MSI2: variants seen among roughly 807,000 people sequenced by gnomAD.
MSI2 encodes the protein RNA-binding protein Musashi homolog 2.
In MSI2, 17 loss-of-function variants were observed where a neutral mutation model predicts 45.6. The observed-to-expected ratio is 0.37, with a 90% CI of 0.26 to 0.56. MSI2 has a LOEUF of 0.56. Among genes scored for constraint, MSI2 ranks in the 20% least tolerant of loss-of-function variants. The probability of loss-of-function intolerance (pLI) is 0.77; values close to 1 mark genes in which losing one functional copy is unlikely to be tolerated. For synonymous variants in MSI2, 156 were observed against 158.2 expected (o/e 0.99, Z 0.11); for missense variants, 293 against 444.2 (o/e 0.66, Z 3.06).
At chr17:57,265,612 T>C (rs182887327) in intron 5 of MSI2, 1 of 152,356 alleles carries the variant, frequency 6.6e-6, no homozygotes, top group Admixed American at 6.5e-5. Flanking sequence ...GCGATGTAAA[T>C]GTTCACATCT....
chr17:57,450,279 G>GA (rs368066390), intron 6 of MSI2: 37 of 118,780 alleles, frequency 3.1e-4, no homozygotes, highest in African/African-American at 8.7e-4. Flanking sequence ...AAGAAAGAAA[G>GA]AAAGAAAGAA....
chr17:57,454,003 G>T (rs2085065617), intron 6 of MSI2, among the ~76,000 whole-genome samples: 1 of 152,236 alleles, frequency 6.6e-6, no homozygotes, highest in Non-Finnish European at 1.5e-5. Flanking sequence ...GCATGACCCT[G>T]TGTGCTATTA....
intron 5 of MSI2, among the ~76,000 whole-genome samples, chr17:57,392,201 T>C (rs1027652491): frequency 3.3e-5 from 5 of 152,188 alleles, no homozygotes; most frequent in East Asian, 3.8e-4. Flanking sequence ...CAGCCCCCAA[T>C]AGGAGTCAGT....
At chr17:57,414,701 G>T (rs1220442428) in intron 6 of MSI2, among the ~76,000 whole-genome samples, 2 of 152,134 alleles carry the variant, frequency 1.3e-5, no homozygotes, top group African/African-American at 4.8e-5. Context: ...TGCCCAGCCA[G>T]GATTTTTCTT....
At chr17:57,443,324 G>A (rs1190246068) in intron 6 of MSI2, among the ~76,000 whole-genome samples, 3 of 152,160 alleles carry the variant, frequency 2.0e-5, no homozygotes, top group Non-Finnish European at 2.9e-5. Context: ...CGTCTCCTCC[G>A]TTTGTGCCGC....
At chr17:57,288,755 G>C (rs1910136205) in intron 5 of MSI2, among the ~76,000 whole-genome samples, 1 of 152,158 alleles carries the variant, frequency 6.6e-6, no homozygotes, top group South Asian at 2.1e-4. Flanking sequence ...ATTACCTTCT[G>C]TGCTCTAGGC....
intron 7 of MSI2, among the ~76,000 whole-genome samples, chr17:57,574,422 A>G (rs568353360): frequency 1.3e-5 from 2 of 152,300 alleles, no homozygotes; most frequent in Admixed American, 6.5e-5. Context: ...TTGGATGGGG[A>G]TGTCTTCCTT....
intron 6 of MSI2, among the ~76,000 whole-genome samples, chr17:57,501,628 G>A (rs2086109045): frequency 6.6e-6 from 1 of 152,176 alleles, no homozygotes; most frequent in Admixed American, 6.5e-5. Flanking sequence ...CGTGCTCAGG[G>A]AAGTTTTTTG....
chr17:57,363,703 C>T (rs1916986530), intron 5 of MSI2, among the ~76,000 whole-genome samples: 1 of 152,194 alleles, frequency 6.6e-6, no homozygotes, highest in South Asian at 2.1e-4. Flanking sequence ...GGCACCACTG[C>T]ACTCCAGCCT....
At chr17:57,578,791 G>A (rs1262254603) in intron 7 of MSI2, among the ~76,000 whole-genome samples, 1 of 152,138 alleles carries the variant, frequency 6.6e-6, no homozygotes, top group Non-Finnish European at 1.5e-5. Context: ...GCGTGGAACA[G>A]TAACAAATCA....
At chr17:57,469,983 A>C (rs1451894544) in intron 6 of MSI2, among the ~76,000 whole-genome samples, 1 of 152,108 alleles carries the variant, frequency 6.6e-6, no homozygotes, top group Non-Finnish European at 1.5e-5. Flanking sequence ...CTTTTCCCAG[A>C]ATATTCTTCC....
At chr17:57,420,829 GT>G (rs1256623078) in intron 6 of MSI2, among the ~76,000 whole-genome samples, 1 of 152,210 alleles carries the variant, frequency 6.6e-6, no homozygotes, top group Non-Finnish European at 1.5e-5. Context: ...TCTGAAGATA[GT>G]TGCCAACATC....
chr17:57,581,512 A>G (rs1394602074), intron 7 of MSI2, among the ~76,000 whole-genome samples: 2 of 152,002 alleles, frequency 1.3e-5, no homozygotes, highest in African/African-American at 4.8e-5. Flanking sequence ...CCCCACCCAA[A>G]CCCTTCCATG....
chr17:57,465,370 C>T (rs547848241), intron 6 of MSI2, among the ~76,000 whole-genome samples: 1 of 151,954 alleles, frequency 6.6e-6, no homozygotes, highest in African/African-American at 2.4e-5. Flanking sequence ...ATTGCAGACA[C>T]CTCTCTCAAA....
At chr17:57,363,302 A>G (rs895374700) in intron 5 of MSI2, among the ~76,000 whole-genome samples, 1 of 152,244 alleles carries the variant, frequency 6.6e-6, no homozygotes, top group African/African-American at 2.4e-5. Context: ...TAGAGCAGTC[A>G]AATCCATAGA....
intron 6 of MSI2, among the ~76,000 whole-genome samples, chr17:57,474,554 T>C (rs2085501818): frequency 6.6e-6 from 1 of 152,128 alleles, no homozygotes; most frequent in Admixed American, 6.5e-5. Context: ...ATCAAAAATG[T>C]CTTCAGACAT....
At chr17:57,643,087 CAG>C (rs1459480331) in intron 10 of MSI2, among the ~76,000 whole-genome samples, 1 of 152,142 alleles carries the variant, frequency 6.6e-6, no homozygotes, top group Non-Finnish European at 1.5e-5. Context: ...CAGATTATAT[CAG>C]AATCTCAGGA....
chr17:57,539,532 A>C (rs988971034), intron 7 of MSI2, among the ~76,000 whole-genome samples: 6 of 151,236 alleles, frequency 4.0e-5, no homozygotes, highest in Non-Finnish European at 7.4e-5. Flanking sequence ...TCTCTACTGA[A>C]AATACAAAAA....
the MSI2 span, among the ~76,000 whole-genome samples, chr17:57,692,358 A>G: frequency 6.6e-6 from 1 of 152,196 alleles, no homozygotes; most frequent in African/African-American, 2.4e-5. Flanking sequence ...GTTGGGAAAT[A>G]GTTCTTCTCT....
Sources: allele counts gnomAD v4.1 joint callset (sites outside exome capture counted in the v4.1 genomes callset), GRCh38; gene constraint gnomAD v4.1.1; transcripts MANE v1.5; gene names NCBI Gene and HGNC (gene_info 2026-07-23, HGNC 2026-07-21).